The following TCERG1L variants were observed in gnomAD, a reference collection of about 807,000 sequenced individuals.
The protein encoded by TCERG1L is transcription elongation regulator 1-like protein.
TCERG1L carries 37 observed loss-of-function variants against 56.3 expected under a neutral mutation model. The ratio of observed to expected loss-of-function variants is 0.66; its 90% CI spans 0.51 to 0.87. The LOEUF (loss-of-function observed/expected upper bound fraction) is 0.87, where lower values mean the gene tolerates loss of function less well. Among genes scored for constraint, TCERG1L ranks in the 40% least tolerant of loss-of-function variants. TCERG1L has a pLI of 0.00. For missense variants in TCERG1L, 799 were observed against 774.2 expected (o/e 1.03, Z -0.38); for synonymous variants, 324 against 326.3 (o/e 0.99, Z 0.08).
At chr10:131,298,436 CAG>C (rs1413872705) in intron 3 of TCERG1L, among the ~76,000 whole-genome samples, 1 of 151,556 alleles carries the variant, frequency 6.6e-6, no homozygotes, top group African/African-American at 2.4e-5. Context: ...TTTTTTGAGA[CAG>C]AGTCTCACTC....
chr10:131,245,642 G>A (rs1469185443), intron 4 of TCERG1L, among the ~76,000 whole-genome samples: 1 of 152,206 alleles, frequency 6.6e-6, no homozygotes, highest in Non-Finnish European at 1.5e-5. Context: ...TGGCTCTCTG[G>A]TAACCTTCAG....
At chr10:131,140,481 A>C (rs922307159) in intron 7 of TCERG1L, among the ~76,000 whole-genome samples, 1 of 152,194 alleles carries the variant, frequency 6.6e-6, no homozygotes. Context: ...TCCCCAGAAC[A>C]GTTGCACTCA....
In TCERG1L at chr10:131,280,053, C is replaced by T. The variant is rs72849465; in HGVS notation, c.671-19609G>A. On this transcript the variant is annotated intron_variant, in intron 3 of 11. Transcript: ENST00000368642. ...ATGTATTTTGCCAAGCTTGAGGATG[C>T]ATGGCTGCGACACAGCCTCAGGAGG... 5.1e-4 allele frequency among the ~76,000 whole-genome samples: 77 copies of T among 152,336 alleles called. 1 individual carries two copies. The highest frequency in any genetic ancestry group is 1.8e-3 in the African/African-American group (75 of 41,582).
chr10:131,141,353 C>T (rs1720640486), intron 7 of TCERG1L, among the ~76,000 whole-genome samples: 2 of 152,130 alleles, frequency 1.3e-5, no homozygotes, highest in Admixed American at 6.5e-5. Context: ...TTTACCTCCC[C>T]TCCCTGCCTC....
chr10:131,163,123 A>T lies in TCERG1L; in HGVS notation c.1033T>A (p.Trp345Arg). ...CTCTCAGGCTTTGGGGTGTCTTACC[A>T]GGGGGATCCGGGCACCGGGGTGGAG... Reference protein sequence around the residue: ...VASTPVPGSPWCVVWTGDDRV... With the variant: ...VASTPVPGSPRCVVWTGDDRV... Residue 345 changes from tryptophan (W) to arginine (R), a missense_variant and splice_region_variant, in exon 6 of 12, where the codon TGG becomes AGG. By Grantham distance (101) the Trp-to-Arg change is moderately radical (BLOSUM62 -3). Coordinates refer to ENST00000368642, the MANE Select transcript of TCERG1L (RefSeq NM_174937.4). 6.4e-7 allele frequency: 1 copy of T among 1,572,454 alleles called. No individual in the cohort carries two copies. The highest frequency in any genetic ancestry group is 8.6e-7 in the Non-Finnish European group (1 of 1,159,440).
chr10:131,099,872 C>CT (rs879828134), intron 10 of TCERG1L, among the ~76,000 whole-genome samples: 9 of 150,638 alleles, frequency 6.0e-5, no homozygotes, highest in East Asian at 1.9e-4. Context: ...TCTTTTCTTT[C>CT]TTTTTTTTTG....
At chr10:131,281,325 C>T (rs997378990) in intron 3 of TCERG1L, among the ~76,000 whole-genome samples, 49 of 152,230 alleles carry the variant, frequency 3.2e-4, no homozygotes, top group African/African-American at 1.1e-3. Flanking sequence ...GCGTGTCCAC[C>T]GTGCAGCTTT....
chr10:131,214,077 T>C (rs912646265), intron 4 of TCERG1L, among the ~76,000 whole-genome samples: 1 of 152,068 alleles, frequency 6.6e-6, no homozygotes, highest in Non-Finnish European at 1.5e-5. Context: ...ACAGTTACAA[T>C]GACTAACTGG....
At chr10:131,202,549 C>A (rs1337728220) in intron 4 of TCERG1L, among the ~76,000 whole-genome samples, 1 of 152,094 alleles carries the variant, frequency 6.6e-6, no homozygotes, top group Non-Finnish European at 1.5e-5. Context: ...CCACTGCACT[C>A]CAGCCTGGGT....
chr10:131,303,138 T>C (rs1846784110), intron 3 of TCERG1L, among the ~76,000 whole-genome samples: 1 of 152,102 alleles, frequency 6.6e-6, no homozygotes, highest in Admixed American at 6.5e-5. Flanking sequence ...TCTGGGTATA[T>C]ACCCAGTAAT....
chr10:131,225,643 C>T (rs1290832815), intron 4 of TCERG1L, among the ~76,000 whole-genome samples: 2 of 152,142 alleles, frequency 1.3e-5, no homozygotes, highest in African/African-American at 2.4e-5. Context: ...CCAGAATCAT[C>T]CCACTGAAGT....
chr10:131,183,886 A>G (rs2133454964), intron 4 of TCERG1L, among the ~76,000 whole-genome samples: 1 of 152,246 alleles, frequency 6.6e-6, no homozygotes, highest in African/African-American at 2.4e-5. Context: ...TGGCATGCTG[A>G]GCATCGTGTC....
intron 4 of TCERG1L, among the ~76,000 whole-genome samples, chr10:131,180,826 G>A (rs1382320292): frequency 2.3e-5 from 3 of 129,826 alleles, no homozygotes; most frequent in Admixed American, 1.7e-4. Context: ...TATCAAATAA[G>A]AACGTTTTTG....
intron 8 of TCERG1L, among the ~76,000 whole-genome samples, chr10:131,126,934 G>A (rs993677048): frequency 6.6e-6 from 1 of 152,188 alleles, no homozygotes; most frequent in South Asian, 2.1e-4. Context: ...ACCTTGACTT[G>A]AGAATTTGGG....
At chr10:131,209,905 C>A (rs1177872523) in intron 4 of TCERG1L, among the ~76,000 whole-genome samples, 1 of 151,972 alleles carries the variant, frequency 6.6e-6, no homozygotes, top group Non-Finnish European at 1.5e-5. Context: ...TGATGTGACA[C>A]CCAAAATAGC....
intron 1 of TCERG1L, among the ~76,000 whole-genome samples, chr10:131,309,847 A>C (rs984196487): frequency 2.7e-5 from 4 of 149,360 alleles, no homozygotes; most frequent in Admixed American, 6.6e-5. Flanking sequence ...AAAAAAAAAA[A>C]AAAAAAAAAA....
Position 131,189,410 on chromosome 10 carries a change from T to C in TCERG1L, c.857-22525A>G, listed in dbSNP as rs552243455. Among the ~76,000 whole-genome samples, 7 of 152,336 alleles carry C rather than the reference T, an allele frequency of 4.6e-5. No individual in the cohort carries two copies. In the South Asian group the frequency reaches 8.3e-4, roughly 18 times the overall value. On this transcript the variant is annotated intron_variant, in intron 4 of 11. Transcript: ENST00000368642. ...GTGTACACATCATTTAGCTTCCACA[T>C]TGAGTGAGAACATGTGGTATCTGAC...
intron 3 of TCERG1L, among the ~76,000 whole-genome samples, 155 bp downstream of exon 3, chr10:131,308,055 GT>G (rs962290148): frequency 6.6e-6 from 1 of 152,008 alleles, no homozygotes; most frequent in South Asian, 2.1e-4. Flanking sequence ...TCCAAGACTA[GT>G]TTTTTTTAAA....
rs564587966 is a variant in TCERG1L, at chr10:131,272,097, C to T, written c.671-11653G>A. Among the ~76,000 whole-genome samples the T allele has an allele frequency of 2.0e-3, 303 of 152,282 alleles. 1 individual carries two copies. The highest frequency in any genetic ancestry group is 6.8e-3 in the African/African-American group (283 of 41,560). On this transcript the variant is annotated intron_variant, in intron 3 of 11. Coordinates refer to ENST00000368642, the MANE Select transcript of TCERG1L (RefSeq NM_174937.4). ...GGGGCTCTGACAACACGGTGGGCAG[C>T]GGCGGAATGAGCTGGTGCAGGGACT...
Sources: gnomAD v4.1 joint callset for allele counts (sites outside exome capture counted in the v4.1 genomes callset) on GRCh38, gnomAD v4.1.1 for gene constraint, MANE v1.5 for transcripts, NCBI Gene and HGNC (gene_info 2026-07-23, HGNC 2026-07-21) for gene names.